Variants in USH2A observed in about 807,000 individuals in gnomAD.
USH2A encodes the protein usherin, also known as Usher syndrome 2A (autosomal recessive, mild).
A neutral mutation model predicts 538.9 loss-of-function variants in USH2A; 443 were observed. The ratio of observed to expected loss-of-function variants is 0.82; its 90% CI spans 0.76 to 0.89. The LOEUF (loss-of-function observed/expected upper bound fraction) is 0.89. Ranked by LOEUF, USH2A falls within the 40% of genes least tolerant of loss-of-function variation. USH2A has a pLI of 0.00. For missense variants in USH2A, 6,633 were observed against 6,324.8 expected, an observed-to-expected ratio of 1.05 and a Z score of -1.65; for synonymous variants, 2,413 against 2,273.5, an observed-to-expected ratio of 1.06 and a Z score of -1.75.
chr1:216,283,932 G>C (rs2036833601), intron 11 of USH2A, among the ~76,000 whole-genome samples: 1 of 151,988 alleles, frequency 6.6e-6, no homozygotes, highest in African/African-American at 2.4e-5. Context: ...CCTCATGTTG[G>C]TGCCATAGCT....
chr1:216,352,548 G>A (rs1014836042), intron 4 of USH2A, among the ~76,000 whole-genome samples: 1 of 152,136 alleles, frequency 6.6e-6, no homozygotes, highest in Non-Finnish European at 1.5e-5. Flanking sequence ...AGGCTCCTAT[G>A]GTTGAATATA....
intron 49 of USH2A, among the ~76,000 whole-genome samples, chr1:215,804,995 G>A (rs997390583): frequency 2.0e-5 from 3 of 152,144 alleles, no homozygotes; most frequent in South Asian, 2.1e-4. Context: ...GGACATGGAT[G>A]AAGCTGGAAA....
intron 67 of USH2A, among the ~76,000 whole-genome samples, chr1:215,645,413 T>C (rs1333494659): frequency 6.6e-6 from 1 of 152,178 alleles, no homozygotes; most frequent in Non-Finnish European, 1.5e-5. Context: ...GCCACGTCAC[T>C]GTCTAACTCC....
rs549184684 is a variant in USH2A, at chr1:216,176,402, A to T, written c.4397-920T>A. On this transcript the variant is annotated intron_variant, in intron 20 of 71. Transcript: ENST00000307340. ...AGACAGGTGCCACTACGCCCAGTAGACTTAATTTTTAAGAGAAGTTTTATG... is the reference window on the plus strand; with the variant it reads ...AGACAGGTGCCACTACGCCCAGTAGTCTTAATTTTTAAGAGAAGTTTTATG... Among the ~76,000 whole-genome samples the T allele has an allele frequency of 3.3e-5, 5 of 151,950 alleles. No individual in the cohort carries two copies. In the East Asian group the frequency reaches 9.7e-4, roughly 29 times the overall value.
intron 15 of USH2A, 138 bp from the exon 16 acceptor site, chr1:216,207,569 T>A: frequency 9.0e-7 from 1 of 1,116,160 alleles, no homozygotes; most frequent in Non-Finnish European, 1.3e-6. Context: ...ACCAAGACAT[T>A]AATAAACAAA....
chr1:216,273,465 G>A (rs1050394331), intron 11 of USH2A, among the ~76,000 whole-genome samples: 5 of 151,540 alleles, frequency 3.3e-5, no homozygotes, highest in Non-Finnish European at 7.4e-5. Context: ...AGTTAGGGTG[G>A]GTTTCTCATT....
intron 30 of USH2A, among the ~76,000 whole-genome samples, chr1:216,056,316 A>G (rs1225140111): frequency 6.6e-6 from 1 of 152,226 alleles, no homozygotes; most frequent in Non-Finnish European, 1.5e-5. Context: ...AGACAAGAGG[A>G]AAAGAAAAGA....
intron 11 of USH2A, among the ~76,000 whole-genome samples, chr1:216,262,748 C>T (rs2036399042): frequency 6.6e-6 from 1 of 151,866 alleles, no homozygotes. Context: ...ATGTATTTAA[C>T]TAGAAAGGTC....
In USH2A at chr1:215,817,048, A is replaced by G. The variant is rs1662877794; in HGVS notation, c.9519T>C (p.Cys3173=). The stretch of plus-strand genomic sequence containing the variant: ...GTCCACAGATAGATTCAGGTTTTTG[A>G]CACCTCACTGCCTTGCAGAGCTCAT... ...QSDELCKAVR[C]QKPESICGHI... Residue 3173 remains cysteine (C), a synonymous_variant, in exon 48 of 72, where the codon TGT becomes TGC. Coordinates refer to ENST00000307340, the MANE Select transcript of USH2A (RefSeq NM_206933.4). 2.5e-6 allele frequency: 4 copies of G among 1,612,600 alleles called. No individual in the cohort carries two copies. In the South Asian group the frequency reaches 4.4e-5, roughly 18 times the overall value.
intron 9 of USH2A, among the ~76,000 whole-genome samples, chr1:216,300,156 ATT>A (rs1472743133): frequency 6.6e-6 from 1 of 152,186 alleles, no homozygotes; most frequent in Non-Finnish European, 1.5e-5. Flanking sequence ...TTATAAGTAA[ATT>A]TTTGAATTCT....
At chr1:215,891,842 A>G (rs1665217421) in intron 40 of USH2A, among the ~76,000 whole-genome samples, 1 of 152,120 alleles carries the variant, frequency 6.6e-6, no homozygotes, top group African/African-American at 2.4e-5. Context: ...CCGGTGATGA[A>G]AATACAACCT....
rs551892185 is a variant in USH2A at position 215,777,513 on chromosome 1, T to A, written c.10939+2330A>T. ...TATTGTGAAACCTTTGCTGGTACAG[T>A]CTTAATGTGCCTAAACTTGCTTTTC... is the stretch of plus-strand genomic sequence containing the variant. On this transcript the variant is annotated intron_variant, in intron 55 of 71. Coordinates refer to ENST00000307340, the MANE Select transcript of USH2A (RefSeq NM_206933.4). Among the ~76,000 whole-genome samples the A allele has an allele frequency of 3.9e-5, 6 of 152,336 alleles. No homozygotes were observed. In the South Asian group the frequency reaches 1.2e-3, roughly 32 times the overall value.
intron 27 of USH2A, among the ~76,000 whole-genome samples, chr1:216,075,918 C>T (rs2031733233): frequency 6.7e-6 from 1 of 149,906 alleles, no homozygotes; most frequent in African/African-American, 2.5e-5. Context: ...AAAAAAGGTG[C>T]TAATTAAGAA....
intron 61 of USH2A, among the ~76,000 whole-genome samples, chr1:215,708,358 C>T (rs1659241948): frequency 6.6e-6 from 1 of 152,158 alleles, no homozygotes; most frequent in African/African-American, 2.4e-5. Flanking sequence ...CACATACTGA[C>T]TGGATGAGTG....
At chr1:215,683,216 T>TACACACACACACACAC (rs71167830) in intron 61 of USH2A, among the ~76,000 whole-genome samples, 1 of 149,578 alleles carries the variant, frequency 6.7e-6, no homozygotes, top group African/African-American at 2.5e-5. Context: ...AATAGTTTTA[T>TACACACACACACACAC]ACACACACAC....
intron 47 of USH2A, among the ~76,000 whole-genome samples, chr1:215,836,480 A>AATATATATT (rs1553267718): frequency 0.028 from 234 of 8,332 alleles, 3 homozygotes; most frequent in South Asian, 0.1. Context: ...ATATATATAT[A>AATATATATT]ATATATATTA....
chr1:216,052,331 G>C (rs1274560029), intron 30 of USH2A, among the ~76,000 whole-genome samples: 1 of 144,486 alleles, frequency 6.9e-6, no homozygotes, highest in East Asian at 2.0e-4. Context: ...AATAAGCCCT[G>C]AGAAATGAGA....
chr1:215,934,842 C>A lies in USH2A; in HGVS notation c.7121-47G>T, dbSNP rs183916355. ...TAAAATAAATACATATTTAAGAATT[C>A]ATTCCTGCTATTATTTGAGTATTTT... On this transcript the variant is annotated intron_variant, in intron 37 of 71. Coordinates refer to ENST00000307340, the MANE Select transcript of USH2A (RefSeq NM_206933.4). 4.9e-5 allele frequency: 74 copies of A among 1,505,774 alleles called. No homozygotes were observed. The African/African-American group carries it at 7.8e-4, about 16-fold the overall frequency. 93.3% of individuals were successfully genotyped at this position (1,505,774 alleles called of 1,614,324 possible).
intron 61 of USH2A, among the ~76,000 whole-genome samples, chr1:215,698,478 A>G (rs1048900526): frequency 6.6e-6 from 1 of 152,144 alleles, no homozygotes; most frequent in African/African-American, 2.4e-5. Context: ...CATCCTCTCC[A>G]GCATCTGTTG....
Sources: gnomAD v4.1 joint callset for allele counts (sites outside exome capture counted in the v4.1 genomes callset) on GRCh38, gnomAD v4.1.1 for gene constraint, MANE v1.5 for transcripts, NCBI Gene and HGNC (gene_info 2026-07-23, HGNC 2026-07-21) for gene names.